Variants in CSMD2 observed in about 807,000 individuals in gnomAD.
CSMD2 encodes the protein CUB and sushi domain-containing protein 2.
A neutral mutation model predicts 398.5 loss-of-function variants in CSMD2; 130 were observed. The ratio of observed to expected loss-of-function variants is 0.33; its 90% CI spans 0.28 to 0.38. The LOEUF (loss-of-function observed/expected upper bound fraction) is 0.38, where lower values mean the gene tolerates loss of function less well. CSMD2 is among the 10% of genes least tolerant of loss of function. CSMD2 has a pLI of 1.00. For missense variants in CSMD2, 3,829 were observed against 4,764.9 expected, an observed-to-expected ratio of 0.80 and a Z score of 5.78; for synonymous variants, 1,828 against 1,908.5, an observed-to-expected ratio of 0.96 and a Z score of 1.10.
chr1:33,817,807 C>T (rs1381297264), intron 9 of CSMD2, among the ~76,000 whole-genome samples: 1 of 152,198 alleles, frequency 6.6e-6, no homozygotes, highest in Non-Finnish European at 1.5e-5. Context: ...GGCCCAAGGG[C>T]CCCAGCTAAA....
intron 23 of CSMD2, among the ~76,000 whole-genome samples, chr1:33,699,730 T>C (rs1304697982): frequency 1.3e-5 from 2 of 152,250 alleles, no homozygotes; most frequent in African/African-American, 2.4e-5. Flanking sequence ...ACCTAATGTG[T>C]ACAATCCAAT....
At chr1:34,127,975 C>T (rs1451149594) in intron 1 of CSMD2, among the ~76,000 whole-genome samples, 1 of 152,066 alleles carries the variant, frequency 6.6e-6, no homozygotes, top group African/African-American at 2.4e-5. Flanking sequence ...CCCATCGTCC[C>T]ACCCTCTTCT....
Position 33,611,190 on chromosome 1 carries a change from C to G in CSMD2, c.6194G>C (p.Arg2065Pro), listed in dbSNP as rs372340478. 4.0e-5 allele frequency: 65 copies of G among 1,614,012 alleles called. 1 individual carries two copies. The highest frequency in any genetic ancestry group is 5.4e-5 in the Non-Finnish European group (64 of 1,180,014). The change falls in exon 41 of 71, where the codon CGG (arginine) becomes CCG (proline). Residue 2065 changes from arginine (R) to proline (P), a missense_variant. By Grantham distance (103) the Arg-to-Pro change is moderately radical (BLOSUM62 -2). Transcript: ENST00000373381. ...GCGGCTGGTCTCATAGGGGCCATTC[C>G]GGATTTCTATGTAGTCGTGGTTGGG... ...TEPNHDYIEI[R>P]NGPYETSRMM...
chr1:34,081,020 A>T (rs1209142282), intron 2 of CSMD2, among the ~76,000 whole-genome samples: 1 of 151,990 alleles, frequency 6.6e-6, no homozygotes, highest in African/African-American at 2.4e-5. Context: ...CCCAGACACC[A>T]TGGAGAAAGA....
At chr1:34,106,488 C>T (rs539783568) in intron 1 of CSMD2, among the ~76,000 whole-genome samples, 9 of 152,296 alleles carry the variant, frequency 5.9e-5, no homozygotes, top group African/African-American at 1.9e-4. Flanking sequence ...GAGATTCAAA[C>T]CCAGATCTGT....
chr1:33,915,882 T>C lies in CSMD2; in HGVS notation c.920+2212A>G, dbSNP rs147391486. Among the ~76,000 whole-genome samples the C allele has an allele frequency of 5.6e-4, 85 of 152,314 alleles. 2 individuals carry two copies. The South Asian group carries it at 6.8e-3, about 12-fold the overall frequency. Reference sequence around the variant, plus strand: ...ATGGCTTGGAAGACAGCCTTTAGTATCAGATTAACCTGGGGTTGAATCCCA... The same window carrying C: ...ATGGCTTGGAAGACAGCCTTTAGTACCAGATTAACCTGGGGTTGAATCCCA... On this transcript the variant is annotated intron_variant, in intron 5 of 70. Coordinates refer to ENST00000373381, the MANE Select transcript of CSMD2 (RefSeq NM_001281956.2).
chr1:33,570,333 ATTTTTT>A (rs57025243), intron 51 of CSMD2, among the ~76,000 whole-genome samples: 1 of 140,676 alleles, frequency 7.1e-6, no homozygotes. Flanking sequence ...ATGCTGGCTA[ATTTTTT>A]TTTTTTTTTT....
intron 5 of CSMD2, among the ~76,000 whole-genome samples, chr1:33,873,316 A>T (rs192221005): frequency 6.6e-6 from 1 of 152,192 alleles, no homozygotes; most frequent in Non-Finnish European, 1.5e-5. Flanking sequence ...CAGAGGGTAG[A>T]TTGTGATAGG....
intron 3 of CSMD2, 132 bp downstream of exon 3, chr1:34,032,462 C>A: frequency 1.8e-6 from 1 of 559,798 alleles, no homozygotes; most frequent in East Asian, 3.3e-5. Flanking sequence ...GGTTAGTAAC[C>A]AGCCTTGTCA....
intron 68 of CSMD2, among the ~76,000 whole-genome samples, chr1:33,520,286 C>G (rs1265197260): frequency 1.3e-5 from 2 of 152,238 alleles, no homozygotes; most frequent in Non-Finnish European, 2.9e-5. Flanking sequence ...GCTGTAGCAG[C>G]CTTTTATCAG....
At chr1:33,612,460 G>C (rs1174429145) in intron 40 of CSMD2, among the ~76,000 whole-genome samples, 1 of 152,002 alleles carries the variant, frequency 6.6e-6, no homozygotes, top group African/African-American at 2.4e-5. Flanking sequence ...ATGTATCTGG[G>C]TTTATGTGTT....
chr1:33,586,992 G>A (rs937938758), intron 45 of CSMD2, 96 bp downstream of exon 45: 2 of 875,278 alleles, frequency 2.3e-6, no homozygotes, highest in Admixed American at 4.9e-5. Context: ...GACAGGAGCA[G>A]GGGATAAGGT....
Position 33,583,798 on chromosome 1 carries a change from A to G in CSMD2, c.7084T>C (p.Ser2362Pro). 1 of 1,614,130 alleles carries G rather than the reference A, an allele frequency of 6.2e-7. No homozygotes were observed. Among genetic ancestry groups the G allele is most frequent in the Non-Finnish European group, 8.5e-7 (1 of 1,180,012 alleles). Residue 2362 changes from serine (S) to proline (P), a missense_variant, in exon 47 of 71, where the codon TCC (serine) becomes CCC (proline). Ser to Pro is a moderately conservative substitution (Grantham distance 74). Transcript: ENST00000373381. ...CTCTGGCTCAGGATCACGCCTGTGG[A>G]GTCTGTCAGAAGCTCATTTGTTGGA... The part of the protein sequence containing the change: ...HCPTNELLTD[S>P]TGVILSQSYP...
In CSMD2 at chr1:33,542,821, G is replaced by A. The variant is rs1656486885; in HGVS notation, c.9176C>T (p.Ser3059Phe). The A allele has an allele frequency of 6.2e-7, 1 of 1,614,058 alleles. No homozygotes were observed. ...VFSDGLVFSS[S>F]IVYECREGYY... ...TCCTTCCCGGCACTCATAGACGATA[G>A]AGCTGGAGAAAACCAGGCCATCACT... Residue 3059 changes from serine to phenylalanine, a missense_variant, in exon 58 of 71, where the codon TCT (serine) becomes TTT (phenylalanine). By Grantham distance (155) the Ser-to-Phe change is radical. Around this residue, in one of 5 missense-constraint regions of CSMD2, gnomAD observed 917 missense variants for 1,199.5 expected, o/e 0.76. Coordinates refer to ENST00000373381, the MANE Select transcript of CSMD2 (RefSeq NM_001281956.2).
At chr1:33,870,357 C>T (rs1640370338) in intron 5 of CSMD2, 1 of 152,170 alleles carries the variant, frequency 6.6e-6, no homozygotes, top group Admixed American at 6.5e-5. Context: ...AAGAGCAGCA[C>T]ACAAGAAGAT....
At chr1:33,808,757 G>A (rs946535491) in intron 10 of CSMD2, among the ~76,000 whole-genome samples, 3 of 151,638 alleles carry the variant, frequency 2.0e-5, no homozygotes, top group African/African-American at 7.3e-5. Flanking sequence ...TGACAAATTA[G>A]CAAATAAATA....
chr1:33,546,326 C>T (rs1570687410), intron 56 of CSMD2, 107 bp from the exon 57 acceptor site: 1 of 1,155,674 alleles, frequency 8.7e-7, no homozygotes, highest in Admixed American at 2.6e-5. Flanking sequence ...GCAGTGGGTC[C>T]CACGAATGAG....
chr1:34,074,389 CT>C (rs1437341150), intron 2 of CSMD2, among the ~76,000 whole-genome samples: 1 of 152,202 alleles, frequency 6.6e-6, no homozygotes, highest in Non-Finnish European at 1.5e-5. Flanking sequence ...CCTGGTGGAG[CT>C]GGCCCGGGCC....
chr1:33,763,083 A>G (rs1323015018), intron 13 of CSMD2, among the ~76,000 whole-genome samples: 1 of 152,250 alleles, frequency 6.6e-6, no homozygotes, highest in Admixed American at 6.5e-5. Context: ...ATATGAACAC[A>G]ACGTATCACC....
Sources: gnomAD v4.1 joint callset for allele counts (sites outside exome capture counted in the v4.1 genomes callset) on GRCh38, gnomAD v4.1.1 for gene constraint, gnomAD v4.1.1 regional missense constraint, MANE v1.5 for transcripts, NCBI Gene and HGNC (gene_info 2026-07-23, HGNC 2026-07-21) for gene names.